ARHGAP24: variants seen among roughly 807,000 people sequenced by gnomAD.
ARHGAP24 encodes rho GTPase-activating protein 24.
Under a neutral mutation model 76.4 loss-of-function variants are expected in ARHGAP24, and 50 were observed. That is an observed-to-expected ratio of 0.65 (90% confidence interval 0.52 to 0.83). The LOEUF (loss-of-function observed/expected upper bound fraction) is 0.83, where lower values mean the gene tolerates loss of function less well. ARHGAP24 is among the 40% of genes least tolerant of loss of function. The probability of loss-of-function intolerance (pLI) is 0.00; values close to 1 mark genes in which losing one functional copy is unlikely to be tolerated. For synonymous variants in ARHGAP24, 345 were observed against 323.3 expected (o/e 1.07, Z -0.72); for missense variants, 930 against 914.2 (o/e 1.02, Z -0.22).
chr4:85,868,375 A>G (rs9998733), intron 3 of ARHGAP24, among the ~76,000 whole-genome samples: 42,304 of 151,982 alleles, frequency 0.28, 6,208 homozygotes, highest in Middle Eastern at 0.41. Flanking sequence ...AAAAGGTGCT[A>G]CACTCTCAGC....
chr4:85,910,071 C>T (rs1257038496), intron 3 of ARHGAP24, among the ~76,000 whole-genome samples: 5 of 152,210 alleles, frequency 3.3e-5, no homozygotes, highest in Non-Finnish European at 7.3e-5. Flanking sequence ...GCTGCTGCAA[C>T]GGGACCTGCA....
chr4:85,757,967 G>C (rs2110071104), intron 3 of ARHGAP24, among the ~76,000 whole-genome samples: 1 of 152,286 alleles, frequency 6.6e-6, no homozygotes, highest in Middle Eastern at 3.4e-3. Flanking sequence ...CTGATGGCCA[G>C]TGATGATGAG....
intron 2 of ARHGAP24, among the ~76,000 whole-genome samples, chr4:85,713,964 G>A (rs985590349): frequency 6.6e-6 from 1 of 152,088 alleles, no homozygotes; most frequent in African/African-American, 2.4e-5. Context: ...TAATTTCTAG[G>A]TCTCTTACAA....
At chr4:85,913,246 G>A (rs1485935367) in intron 3 of ARHGAP24, among the ~76,000 whole-genome samples, 1 of 151,508 alleles carries the variant, frequency 6.6e-6, no homozygotes, top group Non-Finnish European at 1.5e-5. Flanking sequence ...ACACATTCCA[G>A]GCAGAATTTC....
intron 2 of ARHGAP24, among the ~76,000 whole-genome samples, chr4:85,712,417 G>A (rs963275045): frequency 4.6e-5 from 7 of 152,250 alleles, no homozygotes; most frequent in African/African-American, 1.7e-4. Flanking sequence ...CTAGGTCATT[G>A]GAAGAGTTGT....
At chr4:85,726,832 C>T (rs368179846) in intron 3 of ARHGAP24, among the ~76,000 whole-genome samples, 5 of 152,090 alleles carry the variant, frequency 3.3e-5, no homozygotes, top group Admixed American at 6.5e-5. Context: ...ATTCTGCAAA[C>T]GACAGATCTG....
At chr4:85,814,354 C>A (rs376262842) in intron 3 of ARHGAP24, among the ~76,000 whole-genome samples, 1 of 152,170 alleles carries the variant, frequency 6.6e-6, no homozygotes, top group East Asian at 1.9e-4. Flanking sequence ...TCATCTGAGA[C>A]AAGGCAAGTC....
intron 2 of ARHGAP24, among the ~76,000 whole-genome samples, chr4:85,643,549 C>T (rs183155685): frequency 0.028 from 2,196 of 78,318 alleles, 336 homozygotes; most frequent in African/African-American, 0.073. Context: ...TGAGCCACCG[C>T]GCCCGGCCTT....
intron 5 of ARHGAP24, among the ~76,000 whole-genome samples, chr4:85,951,095 A>G (rs1330605220): frequency 2.0e-5 from 3 of 152,158 alleles, no homozygotes; most frequent in African/African-American, 7.2e-5. Flanking sequence ...GGCAACCGAA[A>G]TATCCTTTTG....
intron 2 of ARHGAP24, among the ~76,000 whole-genome samples, chr4:85,596,552 G>T (rs1441532242): frequency 6.7e-6 from 1 of 149,884 alleles, no homozygotes; most frequent in African/African-American, 2.5e-5. Flanking sequence ...AGCTTGAGAT[G>T]CCAGTGGTTA....
chr4:85,900,197 AATT>A (rs1484006814), intron 3 of ARHGAP24, among the ~76,000 whole-genome samples: 5 of 152,298 alleles, frequency 3.3e-5, no homozygotes, highest in South Asian at 2.1e-4. Flanking sequence ...TCTTAATATC[AATT>A]ATTATTATCA....
chr4:85,785,239 C>T (rs1727775990), intron 3 of ARHGAP24, among the ~76,000 whole-genome samples: 1 of 152,096 alleles, frequency 6.6e-6, no homozygotes, highest in African/African-American at 2.4e-5. Flanking sequence ...TCATTCAGCA[C>T]TCAAAAGAAA....
At chr4:85,754,604 A>C (rs1023717155) in intron 3 of ARHGAP24, among the ~76,000 whole-genome samples, 1 of 152,260 alleles carries the variant, frequency 6.6e-6, no homozygotes, top group Non-Finnish European at 1.5e-5. Flanking sequence ...GGTCCCACTT[A>C]GAATTCTGGG....
intron 1 of ARHGAP24, among the ~76,000 whole-genome samples, chr4:85,507,066 G>A (rs956548138): frequency 1.3e-5 from 2 of 152,158 alleles, no homozygotes; most frequent in Admixed American, 6.5e-5. Flanking sequence ...TTTAAAAGAA[G>A]CTATATAGCA....
At chr4:85,793,010 A>G (rs1207108227) in intron 3 of ARHGAP24, among the ~76,000 whole-genome samples, 3 of 152,194 alleles carry the variant, frequency 2.0e-5, no homozygotes, top group Admixed American at 6.5e-5. Flanking sequence ...AGACAATAAG[A>G]TAAATAGAGA....
At chr4:85,557,005 G>A (rs1284934039) in intron 1 of ARHGAP24, among the ~76,000 whole-genome samples, 7 of 152,278 alleles carry the variant, frequency 4.6e-5, no homozygotes, top group Admixed American at 2.6e-4. Context: ...CAGCTCTGCC[G>A]GGGGTCTGGG....
chr4:85,776,959 A>G (rs1727330248), intron 3 of ARHGAP24, among the ~76,000 whole-genome samples: 1 of 152,204 alleles, frequency 6.6e-6, no homozygotes, highest in African/African-American at 2.4e-5. Context: ...ATATGTATCA[A>G]TGTGTCCAAC....
rs372928171 is a variant in ARHGAP24 at position 85,962,955 on chromosome 4, C to G, written c.600-9081C>G. Reference sequence around the variant, plus strand: ...TGATTTTTTTTTTCATACCATAAAACTGATTGGATATGTTTAAAATAATTC... The same window carrying G: ...TGATTTTTTTTTTCATACCATAAAAGTGATTGGATATGTTTAAAATAATTC... On this transcript the variant is annotated intron_variant, in intron 5 of 9. Transcript: ENST00000395184. Among the ~76,000 whole-genome samples, 15 of 151,230 alleles carry G rather than the reference C, an allele frequency of 9.9e-5. No homozygotes were observed. The South Asian group carries it at 1.0e-3, about 11-fold the overall frequency.
At chr4:85,951,613 A>G (rs188909412) in intron 5 of ARHGAP24, among the ~76,000 whole-genome samples, 139 of 152,314 alleles carry the variant, frequency 9.1e-4, no homozygotes, top group Middle Eastern at 3.4e-3. Context: ...TGATAAAAAT[A>G]CAGACTGTGC....
Sources: gnomAD v4.1 joint callset for allele counts (sites outside exome capture counted in the v4.1 genomes callset) on GRCh38, gnomAD v4.1.1 for gene constraint, MANE v1.5 for transcripts, NCBI Gene and HGNC (gene_info 2026-07-23, HGNC 2026-07-21) for gene names.